The following CNTN5 variants were observed in gnomAD, a reference collection of about 807,000 sequenced individuals.
The protein encoded by CNTN5 is contactin 5.
In CNTN5, 77 loss-of-function variants were observed where a neutral mutation model predicts 129.1. The observed-to-expected ratio is 0.60, with a 90% confidence interval of 0.50 to 0.72. The LOEUF is 0.72. Ranked by LOEUF, CNTN5 falls within the 30% of genes least tolerant of loss-of-function variation. The probability of loss-of-function intolerance (pLI) is 0.00; values close to 1 mark genes in which losing one functional copy is unlikely to be tolerated. For missense variants in CNTN5, 1,478 were observed against 1,328.8 expected (o/e 1.11, Z -1.75); for synonymous variants, 509 against 465.6 (o/e 1.09, Z -1.20).
At chr11:99,403,755 A>G (rs1384886420) in intron 2 of CNTN5, among the ~76,000 whole-genome samples, 1 of 152,234 alleles carries the variant, frequency 6.6e-6, no homozygotes, top group Middle Eastern at 3.4e-3. Flanking sequence ...ATGTTTTAAG[A>G]CTTGTTTTGT....
intron 3 of CNTN5, among the ~76,000 whole-genome samples, chr11:99,620,094 T>G (rs1950892802): frequency 6.6e-6 from 1 of 151,938 alleles, no homozygotes; most frequent in South Asian, 2.1e-4. Context: ...CTATAATTAC[T>G]TTTCATTAAA....
intron 15 of CNTN5, among the ~76,000 whole-genome samples, chr11:100,204,297 A>AATATAT (rs10633078): frequency 0.015 from 267 of 17,512 alleles, 9 homozygotes; most frequent in East Asian, 0.02. Context: ...AACATTGACT[A>AATATAT]ATATATATAT....
chr11:99,144,188 C>T (rs1233195041), intron 1 of CNTN5, among the ~76,000 whole-genome samples: 1 of 152,112 alleles, frequency 6.6e-6, no homozygotes, highest in East Asian at 1.9e-4. Context: ...AAAAACTGGC[C>T]ATCATTTATT....
chr11:99,924,079 C>A (rs983371138), intron 7 of CNTN5, among the ~76,000 whole-genome samples: 2 of 152,164 alleles, frequency 1.3e-5, no homozygotes, highest in African/African-American at 4.8e-5. Context: ...CGTGAGCCGC[C>A]ACACCCGGCA....
rs766281377 is a variant in CNTN5, at chr11:99,301,710, AC to A, written c.-209-23635del. On this transcript the variant is annotated intron_variant, in intron 1 of 24. Transcript: ENST00000524871. ...CAGAAGAGAAACAAGAAAGTAGAAG[AC>A]ATGTACAATTCTATAAACCAATTAG... is the stretch of plus-strand genomic sequence containing the variant. Among the ~76,000 whole-genome samples, 20 of 151,870 alleles carry A rather than the reference AC, an allele frequency of 1.3e-4. No individual in the cohort carries two copies. The East Asian group carries it at 2.5e-3, about 19-fold the overall frequency.
At chr11:99,127,302 T>C (rs1008036346) in intron 1 of CNTN5, among the ~76,000 whole-genome samples, 2 of 152,212 alleles carry the variant, frequency 1.3e-5, no homozygotes, top group East Asian at 1.9e-4. Context: ...TTCAATGTCA[T>C]AAATGTTCAT....
chr11:100,059,693 G>T (rs139552146), intron 9 of CNTN5, among the ~76,000 whole-genome samples: 1 of 152,002 alleles, frequency 6.6e-6, no homozygotes, highest in Non-Finnish European at 1.5e-5. Flanking sequence ...GATCAAATGC[G>T]ATGCTGGCAA....
chr11:99,875,406 G>A (rs1249978593), intron 6 of CNTN5, among the ~76,000 whole-genome samples: 6 of 152,086 alleles, frequency 3.9e-5, no homozygotes, highest in Non-Finnish European at 8.8e-5. Context: ...TTAAAGTGGA[G>A]CAAAATAACA....
chr11:100,150,843 C>G (rs1011056518), intron 13 of CNTN5, among the ~76,000 whole-genome samples: 6 of 152,172 alleles, frequency 3.9e-5, no homozygotes, highest in African/African-American at 1.4e-4. Context: ...ACACTTACCC[C>G]CTAATGTGAT....
intron 13 of CNTN5, among the ~76,000 whole-genome samples, chr11:100,087,306 A>G (rs1307970542): frequency 1.3e-5 from 2 of 151,882 alleles, no homozygotes; most frequent in Non-Finnish European, 2.9e-5. Context: ...AAATTTAAAT[A>G]ATTTCATAAC....
chr11:100,187,739 CA>C (rs1948345682), intron 13 of CNTN5, among the ~76,000 whole-genome samples: 1 of 152,042 alleles, frequency 6.6e-6, no homozygotes, highest in Non-Finnish European at 1.5e-5. Context: ...AAGTCATATG[CA>C]AAAGAATGAA....
intron 3 of CNTN5, among the ~76,000 whole-genome samples, chr11:99,773,716 G>A (rs968795197): frequency 6.6e-6 from 1 of 151,878 alleles, no homozygotes; most frequent in Non-Finnish European, 1.5e-5. Context: ...AATTAAATGC[G>A]AACGTTTAAA....
At chr11:100,353,726 ATGTTGAT>A (rs1952465318) in intron 24 of CNTN5, among the ~76,000 whole-genome samples, 1 of 151,644 alleles carries the variant, frequency 6.6e-6, no homozygotes. Context: ...ATTCTCCAAT[ATGTTGAT>A]TGATAAGTTC....
chr11:99,688,892 A>T (rs1467304618), intron 3 of CNTN5, among the ~76,000 whole-genome samples: 1 of 152,104 alleles, frequency 6.6e-6, no homozygotes, highest in Admixed American at 6.5e-5. Context: ...TTTGCTAAGG[A>T]TAATTGCCTA....
chr11:99,931,371 G>A (rs1465396157), intron 7 of CNTN5, among the ~76,000 whole-genome samples: 1 of 152,126 alleles, frequency 6.6e-6, no homozygotes, highest in African/African-American at 2.4e-5. Flanking sequence ...TATGGAGTTT[G>A]TTTTAGAATA....
chr11:99,760,458 T>C (rs1457514936), intron 3 of CNTN5, among the ~76,000 whole-genome samples: 1 of 152,156 alleles, frequency 6.6e-6, no homozygotes, highest in Non-Finnish European at 1.5e-5. Flanking sequence ...TCTGTACATT[T>C]ACTAAAAATA....
intron 8 of CNTN5, among the ~76,000 whole-genome samples, chr11:99,980,540 G>A (rs1391155472): frequency 6.6e-6 from 1 of 152,082 alleles, no homozygotes; most frequent in Non-Finnish European, 1.5e-5. Context: ...AACAGAACTA[G>A]GACGATTTGC....
intron 3 of CNTN5, among the ~76,000 whole-genome samples, chr11:99,636,156 A>T (rs544510671): frequency 6.6e-6 from 1 of 152,208 alleles, no homozygotes; most frequent in Non-Finnish European, 1.5e-5. Context: ...ACCAATGGAC[A>T]CTTCATAAAT....
At chr11:99,923,643 T>C (rs564179535) in intron 7 of CNTN5, among the ~76,000 whole-genome samples, 28 of 152,316 alleles carry the variant, frequency 1.8e-4, no homozygotes, top group African/African-American at 6.3e-4. Flanking sequence ...CTTTGAGAAA[T>C]GTCCAAACTG....
Sources: allele counts gnomAD v4.1 joint callset (sites outside exome capture counted in the v4.1 genomes callset), GRCh38; gene constraint gnomAD v4.1.1; transcripts MANE v1.5; gene names NCBI Gene and HGNC (gene_info 2026-07-23, HGNC 2026-07-21).